The following DNAL1 variants were observed in gnomAD, a reference collection of about 807,000 sequenced individuals.
DNAL1 encodes dynein axonemal light chain 1.
A neutral mutation model predicts 29.4 loss-of-function variants in DNAL1; 17 were observed. That is an observed-to-expected ratio of 0.58 (90% CI 0.40 to 0.87). The LOEUF (loss-of-function observed/expected upper bound fraction) is 0.87. DNAL1 is among the 40% of genes least tolerant of loss of function. The pLI is 0.00. For synonymous variants in DNAL1, 78 were observed against 76.3 expected, an observed-to-expected ratio of 1.02 and a Z score of -0.12; for missense variants, 188 against 214.1, an observed-to-expected ratio of 0.88 and a Z score of 0.76.
intron 4 of DNAL1, among the ~76,000 whole-genome samples, chr14:73,667,619 C>T (rs1891518395): frequency 6.6e-6 from 1 of 152,292 alleles, no homozygotes; most frequent in South Asian, 2.1e-4. Context: ...CCACCTCAGC[C>T]TCCTGAGTAG....
chr14:73,669,860 A>G (rs1228523223), intron 4 of DNAL1, among the ~76,000 whole-genome samples: 1 of 152,166 alleles, frequency 6.6e-6, no homozygotes, highest in Non-Finnish European at 1.5e-5. Flanking sequence ...CAACAGTTAA[A>G]TCATTTTGTG....
At chr14:73,692,424 G>T (rs1370112611) in intron 7 of DNAL1, among the ~76,000 whole-genome samples, 1 of 152,098 alleles carries the variant, frequency 6.6e-6, no homozygotes, top group Non-Finnish European at 1.5e-5. Flanking sequence ...AGAGGTTGCA[G>T]TGAGCTGAGA....
In DNAL1 at chr14:73,649,012, G is replaced by C. The variant is rs192665290; in HGVS notation, c.3+3970G>C. Among the ~76,000 whole-genome samples, 209 of 152,080 alleles carry C rather than the reference G, an allele frequency of 1.4e-3. 1 individual carries two copies. The highest frequency in any genetic ancestry group is 2.3e-3 in the Non-Finnish European group (157 of 67,980). The stretch of plus-strand genomic sequence containing the variant: ...TTTTTTTGAGACAGAGTCTCACTCT[G>C]TTGCCCAGGCTGGAGTGCAGTGGTG... On this transcript the variant is annotated intron_variant, in intron 1 of 7. Transcript: ENST00000553645.
At chr14:73,691,796 C>A (rs916734698) in intron 7 of DNAL1, among the ~76,000 whole-genome samples, 12 of 148,108 alleles carry the variant, frequency 8.1e-5, no homozygotes, top group Non-Finnish European at 1.5e-4. Context: ...CGGGTTCAAG[C>A]GATTCTCCTG....
chr14:73,696,126 G>A lies in DNAL1; in HGVS notation c.*184G>A. ...AGTGTTTCTCCCCAAAACTGGTAATGCCAACCTTATATATCCTATTTCTCT... is the reference window on the plus strand; with the variant it reads ...AGTGTTTCTCCCCAAAACTGGTAATACCAACCTTATATATCCTATTTCTCT... On this transcript the variant is annotated 3_prime_UTR_variant, in exon 8 of 8. Transcript: ENST00000553645. 6.8e-6 allele frequency: 4 copies of A among 588,628 alleles called. No individual in the cohort carries two copies. The highest frequency in any genetic ancestry group is 8.5e-6 in the Non-Finnish European group (3 of 352,258). 36.5% of individuals were successfully genotyped at this position (588,628 alleles called of 1,614,324 possible).
chr14:73,648,882 A>G (rs1891045741), intron 1 of DNAL1, among the ~76,000 whole-genome samples: 1 of 150,382 alleles, frequency 6.6e-6, no homozygotes, highest in Admixed American at 6.6e-5. Context: ...TCTCTCGGCC[A>G]GAAGAATAAT....
intron 3 of DNAL1, among the ~76,000 whole-genome samples, chr14:73,659,242 A>C (rs1386451265): frequency 6.6e-6 from 1 of 151,080 alleles, no homozygotes; most frequent in Non-Finnish European, 1.5e-5. Flanking sequence ...GCTCACTGCA[A>C]CCTACGCCTC....
chr14:73,673,193 T>C (rs1891656232), intron 5 of DNAL1: 1 of 152,204 alleles, frequency 6.6e-6, no homozygotes, highest in African/African-American at 2.4e-5. Context: ...TATTAAATTG[T>C]AATACAGAAA....
chr14:73,691,858 C>A (rs1434849686), intron 7 of DNAL1, among the ~76,000 whole-genome samples: 5 of 131,990 alleles, frequency 3.8e-5, no homozygotes, highest in Admixed American at 7.6e-5. Flanking sequence ...CCCCCCCCCC[C>A]AGCTAATTTT....
At chr14:73,660,611 G>T (rs1387310690) in intron 3 of DNAL1, among the ~76,000 whole-genome samples, 1 of 152,178 alleles carries the variant, frequency 6.6e-6, no homozygotes, top group Non-Finnish European at 1.5e-5. Context: ...GTGAACCCAT[G>T]CATTAGACTA....
chr14:73,649,154 T>C (rs1377010598), intron 1 of DNAL1, among the ~76,000 whole-genome samples: 1 of 151,966 alleles, frequency 6.6e-6, no homozygotes, highest in African/African-American at 2.4e-5. Context: ...TTCATATTTT[T>C]AGTAGAGACG....
chr14:73,676,663 GT>G (rs879670215), intron 5 of DNAL1, among the ~76,000 whole-genome samples: 1 of 150,934 alleles, frequency 6.6e-6, no homozygotes, highest in African/African-American at 2.4e-5. Context: ...TTATTTCCAG[GT>G]TTTTTTTTCT....
chr14:73,657,529 A>C (rs1465995889), intron 2 of DNAL1, among the ~76,000 whole-genome samples: 1 of 152,138 alleles, frequency 6.6e-6, no homozygotes, highest in African/African-American at 2.4e-5. Flanking sequence ...ATAGTTTGCA[A>C]ATATTTTCCC....
At chr14:73,682,211 C>G (rs1024311458) in intron 5 of DNAL1, among the ~76,000 whole-genome samples, 1 of 140,274 alleles carries the variant, frequency 7.1e-6, no homozygotes, top group Non-Finnish European at 1.5e-5. Flanking sequence ...CGCTCTGTTG[C>G]CCAGGCTAGA....
chr14:73,648,212 A>C (rs1046434475), intron 1 of DNAL1, among the ~76,000 whole-genome samples: 1 of 151,396 alleles, frequency 6.6e-6, no homozygotes, highest in African/African-American at 2.4e-5. Flanking sequence ...TCTTGACCTC[A>C]AGTGATCTGC....
chr14:73,670,191 T>C (rs570415725), intron 4 of DNAL1, among the ~76,000 whole-genome samples: 1 of 152,354 alleles, frequency 6.6e-6, no homozygotes, highest in East Asian at 1.9e-4. Context: ...ACTCAGTTAA[T>C]TGGATTTGAG....
intron 1 of DNAL1, 143 bp downstream of exon 1, chr14:73,645,185 C>A: frequency 6.8e-7 from 1 of 1,472,784 alleles, no homozygotes; most frequent in South Asian, 1.2e-5. Flanking sequence ...AGTCAGGGGC[C>A]CGAGGCGAAA....
rs1892384649 is a variant in DNAL1 at position 73,699,606 on chromosome 14, A to G, written c.*3664A>G. 1 of 152,068 alleles carries G rather than the reference A, an allele frequency of 6.6e-6. No individual in the cohort carries two copies. The highest frequency in any genetic ancestry group is 6.6e-5 in the Admixed American group (1 of 15,252). The allele number at this position is 152,068 out of a possible 1,614,324, so 9.4% of individuals were successfully genotyped here. A position where few individuals can be genotyped will look rare whatever the true frequency, so the allele number is the denominator to read the frequency against. On this transcript the variant is annotated 3_prime_UTR_variant, in exon 8 of 8. Transcript: ENST00000553645. ...GACGTGAGCCACTGCGACTGGCTTAATGCTCATTTTCATAATTTTCATGTA... is the reference window on the plus strand; with the variant it reads ...GACGTGAGCCACTGCGACTGGCTTAGTGCTCATTTTCATAATTTTCATGTA...
At chr14:73,676,549 G>A (rs1289546659) in intron 5 of DNAL1, among the ~76,000 whole-genome samples, 1 of 152,000 alleles carries the variant, frequency 6.6e-6, no homozygotes, top group Non-Finnish European at 1.5e-5. Context: ...ATCCTTCAAT[G>A]TCAATACATG....
Sources: gnomAD v4.1 joint callset for allele counts (sites outside exome capture counted in the v4.1 genomes callset) on GRCh38, gnomAD v4.1.1 for gene constraint, MANE v1.5 for transcripts, NCBI Gene and HGNC (gene_info 2026-07-23, HGNC 2026-07-21) for gene names.